The following MAGI2 variants were observed in gnomAD, a reference collection of about 807,000 sequenced individuals.
MAGI2 encodes the protein membrane-associated guanylate kinase, WW and PDZ domain-containing protein 2.
MAGI2 carries 35 observed loss-of-function variants against 133.3 expected under a neutral mutation model. That is an observed-to-expected ratio of 0.26 (90% CI 0.20 to 0.35). The LOEUF (loss-of-function observed/expected upper bound fraction) is 0.35, where lower values mean the gene tolerates loss of function less well. Among genes scored for constraint, MAGI2 ranks in the 10% least tolerant of loss-of-function variants. The pLI is 1.00. For missense variants in MAGI2, 1,636 were observed against 1,863.4 expected (o/e 0.88, Z 2.25); for synonymous variants, 729 against 710.6 (o/e 1.03, Z -0.41).
chr7:78,654,746 T>C (rs1487019155), intron 2 of MAGI2, among the ~76,000 whole-genome samples: 1 of 99,004 alleles, frequency 1.0e-5, no homozygotes, highest in Non-Finnish European at 2.2e-5. Context: ...TATATATATA[T>C]ATAGCATATA....
intron 2 of MAGI2, among the ~76,000 whole-genome samples, chr7:78,864,158 T>G (rs1794366775): frequency 6.6e-6 from 1 of 152,220 alleles, no homozygotes; most frequent in Admixed American, 6.5e-5. Context: ...ATTACTATCT[T>G]TTAAATACTA....
chr7:78,623,816 A>G lies in MAGI2; in HGVS notation c.538+3304T>C, dbSNP rs551413362. Among the ~76,000 whole-genome samples, 10 of 152,268 alleles carry G rather than the reference A, an allele frequency of 6.6e-5. No homozygotes were observed. In the East Asian group the frequency reaches 1.9e-3, roughly 29 times the overall value. ...CATTTTGGTCACTGACAGACCACAT[A>G]TATCATGGTGGTCCCATAAAGTTGT... On this transcript the variant is annotated intron_variant, in intron 3 of 21. Transcript: ENST00000354212.
At chr7:78,988,988 A>G (rs546883889) in intron 2 of MAGI2, among the ~76,000 whole-genome samples, 17 of 152,212 alleles carry the variant, frequency 1.1e-4, no homozygotes, top group East Asian at 1.9e-4. Context: ...AAATAGTTGC[A>G]TAACTCTGTA....
At position 78,486,923 on chromosome 7, in the gene MAGI2, T is replaced by C. The variant is rs1666584408; in HGVS notation, c.1045+2838A>G. ...TGTGGGCCAGGAACGTACCCAAATT[T>C]GAACTAGCTCATTTCATGGCTCTGG... is the stretch of plus-strand genomic sequence containing the variant. On this transcript the variant is annotated intron_variant, in intron 6 of 21. Transcript: ENST00000354212. 2.9e-5 allele frequency: 15 copies of C among 521,396 alleles called. 2 individuals carry two copies. Among genetic ancestry groups the C allele is most frequent in the South Asian group, 2.1e-4 (15 of 71,546 alleles). The allele number at this position is 521,396 out of a possible 1,614,324, so 32.3% of individuals were successfully genotyped here.
At chr7:79,372,118 A>G (rs183068492) in intron 1 of MAGI2, among the ~76,000 whole-genome samples, 6 of 152,220 alleles carry the variant, frequency 3.9e-5, no homozygotes, top group Admixed American at 3.9e-4. Context: ...ACTCTCTTGT[A>G]CTTAATCTAT....
chr7:78,505,568 T>C (rs1408041320), intron 4 of MAGI2, among the ~76,000 whole-genome samples: 1 of 152,214 alleles, frequency 6.6e-6, no homozygotes, highest in Non-Finnish European at 1.5e-5. Context: ...AAAGTTCAAA[T>C]GCAAGGTCAT....
rs114630294 is a variant in MAGI2 at position 78,446,998 on chromosome 7, C to T, written c.1045+42763G>A. Among the ~76,000 whole-genome samples the T allele has an allele frequency of 5.0e-3, 766 of 152,110 alleles. 6 individuals carry two copies. The highest frequency in any genetic ancestry group is 0.016 in the African/African-American group (666 of 41,514). On this transcript the variant is annotated intron_variant, in intron 6 of 21. Transcript: ENST00000354212. ...GATCAGTCATTTTGATTATCCTATT[C>T]AAATGATGGTTCATCAGTTACAACA...
chr7:78,530,006 T>G (rs1797327416), intron 3 of MAGI2, among the ~76,000 whole-genome samples: 1 of 152,204 alleles, frequency 6.6e-6, no homozygotes, highest in Non-Finnish European at 1.5e-5. Flanking sequence ...ACACCTTAAT[T>G]GGGACAAGCC....
chr7:78,862,446 G>A (rs1347665298), intron 2 of MAGI2, among the ~76,000 whole-genome samples: 4 of 152,180 alleles, frequency 2.6e-5, no homozygotes, highest in African/African-American at 4.8e-5. Context: ...TTCCCTGTTA[G>A]TCCTTCACAT....
chr7:78,703,622 C>G (rs1818299563), intron 2 of MAGI2, among the ~76,000 whole-genome samples: 1 of 152,020 alleles, frequency 6.6e-6, no homozygotes, highest in Non-Finnish European at 1.5e-5. Flanking sequence ...ATATGAATCA[C>G]AAGCCAATTG....
chr7:79,186,209 TATATATATATATATATATATATATATA>T (rs1827091800), intron 1 of MAGI2, among the ~76,000 whole-genome samples: 1 of 3,798 alleles, frequency 2.6e-4, no homozygotes, highest in Non-Finnish European at 2.8e-3. Context: ...TATATATATA[TATATATATATATATATATATATATATA>T]TATATATTTA....
intron 1 of MAGI2, among the ~76,000 whole-genome samples, chr7:79,313,527 C>A (rs899892248): frequency 5.3e-5 from 8 of 151,996 alleles, no homozygotes; most frequent in Non-Finnish European, 2.9e-5. Context: ...ATACATGATA[C>A]AATCGATTCA....
chr7:78,851,155 G>T (rs954671140), intron 2 of MAGI2, among the ~76,000 whole-genome samples: 3 of 151,906 alleles, frequency 2.0e-5, no homozygotes, highest in African/African-American at 7.3e-5. Flanking sequence ...AGCAAAACTA[G>T]AAATAATAAT....
chr7:78,946,727 A>G (rs796896937), intron 2 of MAGI2: 32 of 152,340 alleles, frequency 2.1e-4, no homozygotes, highest in African/African-American at 7.7e-4. Context: ...CCACATGTCA[A>G]TTTTATAGTG....
chr7:78,214,119 G>A (rs1788035372), intron 10 of MAGI2, among the ~76,000 whole-genome samples: 1 of 152,164 alleles, frequency 6.6e-6, no homozygotes, highest in African/African-American at 2.4e-5. Context: ...GTTAATGAAT[G>A]TTTTCACCTG....
chr7:79,156,863 G>T (rs1433763835), intron 1 of MAGI2, among the ~76,000 whole-genome samples: 1 of 152,044 alleles, frequency 6.6e-6, no homozygotes, highest in African/African-American at 2.4e-5. Context: ...GGGCCTCAGA[G>T]AAGTCTCAGA....
chr7:78,622,400 G>A (rs1193062287), intron 3 of MAGI2, among the ~76,000 whole-genome samples: 1 of 152,004 alleles, frequency 6.6e-6, no homozygotes, highest in Non-Finnish European at 1.5e-5. Context: ...GAGGAGGAAA[G>A]GGAACAATGA....
chr7:79,226,915 C>A (rs1480324338), intron 1 of MAGI2, among the ~76,000 whole-genome samples: 3 of 152,036 alleles, frequency 2.0e-5, no homozygotes, highest in Admixed American at 6.6e-5. Flanking sequence ...GTGACTATTG[C>A]CTGATTCTTT....
chr7:78,435,307 C>T (rs1323502416), intron 6 of MAGI2, among the ~76,000 whole-genome samples: 1 of 152,108 alleles, frequency 6.6e-6, no homozygotes, highest in African/African-American at 2.4e-5. Context: ...GTTGCTCTCC[C>T]CCACACCTTG....
Sources: allele counts gnomAD v4.1 joint callset (sites outside exome capture counted in the v4.1 genomes callset), GRCh38; gene constraint gnomAD v4.1.1; transcripts MANE v1.5; gene names NCBI Gene and HGNC (gene_info 2026-07-23, HGNC 2026-07-21).